The following INSR variants were observed in gnomAD, a reference collection of about 807,000 sequenced individuals.
The protein encoded by INSR is IR.
Under a neutral mutation model 142.6 loss-of-function variants are expected in INSR, and 67 were observed. The observed-to-expected ratio is 0.47, with a 90% CI of 0.39 to 0.58. INSR has a LOEUF of 0.58. INSR is among the 20% of genes least tolerant of loss of function. INSR has a pLI of 0.00. For synonymous variants in INSR, 756 were observed against 743.1 expected, an observed-to-expected ratio of 1.02 and a Z score of -0.28; for missense variants, 1,248 against 1,833.2, an observed-to-expected ratio of 0.68 and a Z score of 5.83.
At chr19:7,232,451 G>A (rs1459733917) in intron 2 of INSR, among the ~76,000 whole-genome samples, 1 of 152,136 alleles carries the variant, frequency 6.6e-6, no homozygotes, top group Non-Finnish European at 1.5e-5. Context: ...GCCTCAGCCT[G>A]TCAAAGTGTT....
At chr19:7,257,249 C>A (rs964164650) in intron 2 of INSR, among the ~76,000 whole-genome samples, 7 of 151,968 alleles carry the variant, frequency 4.6e-5, no homozygotes, top group Admixed American at 2.0e-4. Flanking sequence ...CGGCCTCCCC[C>A]ACCTTATCTT....
chr19:7,146,740 A>T (rs1161365240), intron 11 of INSR, among the ~76,000 whole-genome samples: 2 of 152,232 alleles, frequency 1.3e-5, no homozygotes, highest in African/African-American at 2.4e-5. Context: ...ATCTTTTTCC[A>T]AGGTTCATAA....
intron 13 of INSR, among the ~76,000 whole-genome samples, 187 bp from the exon 14 acceptor site, chr19:7,132,504 G>T (rs1390687517): frequency 6.6e-6 from 1 of 152,128 alleles, no homozygotes; most frequent in African/African-American, 2.4e-5. Context: ...TATGGATAAA[G>T]ATATATGCAG....
chr19:7,221,847 C>T (rs890104271), intron 2 of INSR, among the ~76,000 whole-genome samples: 1 of 152,064 alleles, frequency 6.6e-6, no homozygotes, highest in African/African-American at 2.4e-5. Flanking sequence ...CGTCCACTTA[C>T]CAGGACACAG....
In INSR at chr19:7,141,716, G is replaced by T; in HGVS notation, c.2643C>A (p.Ile881=). ...GCCGATAACTCACTTCATACAGCAC[G>T]ATCAGACCATTGGGCTCCTTCGGCT... ...WQEPKEPNGL[I]VLYEVSYRRY... Residue 881 remains isoleucine, a synonymous_variant, in exon 13 of 22, where the codon ATC becomes ATA. Coordinates refer to ENST00000302850, the MANE Select transcript of INSR (RefSeq NM_000208.4). 2 of 1,614,072 alleles carry T rather than the reference G, an allele frequency of 1.2e-6. No individual in the cohort carries two copies. The highest frequency in any genetic ancestry group is 1.7e-6 in the Non-Finnish European group (2 of 1,179,954).
chr19:7,142,688 G>T, intron 12 of INSR, 128 bp downstream of exon 12: 1 of 1,174,032 alleles, frequency 8.5e-7, no homozygotes, highest in Non-Finnish European at 1.2e-6. Flanking sequence ...GCAAGGCTCC[G>T]TCTCAAACAA....
At chr19:7,134,095 C>T (rs1438523943) in intron 13 of INSR, among the ~76,000 whole-genome samples, 1 of 151,776 alleles carries the variant, frequency 6.6e-6, no homozygotes, top group African/African-American at 2.4e-5. Flanking sequence ...AGGAGAATGG[C>T]GTGAACCCGG....
intron 2 of INSR, among the ~76,000 whole-genome samples, chr19:7,239,945 T>G (rs28671367): frequency 0.048 from 7,331 of 152,056 alleles, 443 homozygotes; most frequent in African/African-American, 0.14. Flanking sequence ...TGTTTTTTGG[T>G]TTTTTTTGAG....
intron 3 of INSR, among the ~76,000 whole-genome samples, chr19:7,183,363 G>C (rs1223416866): frequency 6.6e-6 from 1 of 151,394 alleles, no homozygotes; most frequent in Non-Finnish European, 1.5e-5. Context: ...ACTCAGTTAC[G>C]GCCCCAAAAT....
At chr19:7,213,360 CAA>C (rs375180236) in intron 2 of INSR, among the ~76,000 whole-genome samples, 5,890 of 79,356 alleles carry the variant, frequency 0.074, 422 homozygotes, top group African/African-American at 0.18. Context: ...AAAAAAAAAA[CAA>C]ACAAAAAACC....
chr19:7,255,989 C>A (rs546751100), intron 2 of INSR, among the ~76,000 whole-genome samples: 17 of 152,244 alleles, frequency 1.1e-4, no homozygotes, highest in Non-Finnish European at 2.4e-4. Flanking sequence ...TCATCTTCAA[C>A]CCCCGGAAGA....
intron 2 of INSR, among the ~76,000 whole-genome samples, chr19:7,243,253 T>TTG (rs1976423588): frequency 7.3e-6 from 1 of 136,956 alleles, no homozygotes; most frequent in Non-Finnish European, 1.6e-5. Context: ...TTTTTTTTTT[T>TTG]TTTTTTTTTT....
At chr19:7,163,260 G>A (rs1973804479) in intron 8 of INSR, 61 bp from the exon 9 acceptor site, 1 of 1,507,428 alleles carries the variant, frequency 6.6e-7, no homozygotes, top group Non-Finnish European at 9.2e-7. Context: ...AAGCTGGTGG[G>A]AGGATGGCGG....
At position 7,158,296 on chromosome 19, in the gene INSR, C is replaced by T. The variant is rs35433137; in HGVS notation, c.2029+4736G>A. On this transcript the variant is annotated intron_variant, in intron 9 of 21. Transcript: ENST00000302850. The stretch of plus-strand genomic sequence containing the variant: ...TGGGCAGATCACGAGGTCAGGAGAT[C>T]GAGACCATCCTGGCTAACATGGTGA... 6.4e-3 allele frequency among the ~76,000 whole-genome samples: 978 copies of T among 151,868 alleles called. 5 individuals carry two copies. The highest frequency in any genetic ancestry group is 0.013 in the African/African-American group (527 of 41,414).
intron 2 of INSR, among the ~76,000 whole-genome samples, chr19:7,255,950 TCTC>T (rs1359814985): frequency 6.6e-6 from 1 of 151,626 alleles, no homozygotes; most frequent in Non-Finnish European, 1.5e-5. Context: ...TGGAACAATC[TCTC>T]CTCTTTTACA....
Position 7,143,629 on chromosome 19 carries a change from C to T in INSR, c.2268-539G>A, listed in dbSNP as rs16994213. 6.0e-3 allele frequency among the ~76,000 whole-genome samples: 920 copies of T among 152,324 alleles called. 7 individuals are homozygous for T. Among genetic ancestry groups the T allele is most frequent in the East Asian group, 0.042 (216 of 5,190 alleles). The stretch of plus-strand genomic sequence containing the variant: ...AATTCTTAGAAAAGGAATCACATCA[C>T]TCAGGTCAGGAAGATTAACTCCAAG... On this transcript the variant is annotated intron_variant, in intron 11 of 21. Transcript: ENST00000302850.
At chr19:7,260,690 C>T (rs1160566279) in intron 2 of INSR, among the ~76,000 whole-genome samples, 1 of 152,028 alleles carries the variant, frequency 6.6e-6, no homozygotes, top group Non-Finnish European at 1.5e-5. Flanking sequence ...AGGACACTCA[C>T]GGAGCACCTG....
At chr19:7,123,051 C>T (rs1972533603) in intron 17 of INSR, 62 bp from the exon 18 acceptor site, 1 of 1,216,140 alleles carries the variant, frequency 8.2e-7, no homozygotes, top group South Asian at 1.3e-5. Context: ...CCAGGGTTCT[C>T]CTCCCTCCCT....
At chr19:7,214,869 C>CTCCT (rs372956997) in intron 2 of INSR, among the ~76,000 whole-genome samples, 1 of 144,384 alleles carries the variant, frequency 6.9e-6, no homozygotes. Flanking sequence ...CCGTCCCCAC[C>CTCCT]TCCTTCCTTC....
Sources: allele counts gnomAD v4.1 joint callset (sites outside exome capture counted in the v4.1 genomes callset), GRCh38; gene constraint gnomAD v4.1.1; transcripts MANE v1.5; gene names NCBI Gene and HGNC (gene_info 2026-07-23, HGNC 2026-07-21).